Variants in VEPH1 observed in about 807,000 individuals in gnomAD.
VEPH1 encodes the protein ventricular zone expressed PH domain containing 1.
VEPH1 carries 80 observed loss-of-function variants against 85.2 expected under a neutral mutation model. The observed-to-expected ratio is 0.94, with a 90% CI of 0.78 to 1.13. VEPH1 has a LOEUF of 1.13. Among genes scored for constraint, VEPH1 ranks in the 50% most tolerant of loss-of-function variants. The probability of loss-of-function intolerance (pLI) is 0.00; values close to 1 mark genes in which losing one functional copy is unlikely to be tolerated. For synonymous variants in VEPH1, 297 were observed against 348.0 expected, an observed-to-expected ratio of 0.85 and a Z score of 1.63; for missense variants, 955 against 980.5, an observed-to-expected ratio of 0.97 and a Z score of 0.35.
intron 6 of VEPH1, among the ~76,000 whole-genome samples, chr3:157,410,272 T>A (rs1452010800): frequency 1.3e-5 from 2 of 152,128 alleles, no homozygotes; most frequent in Admixed American, 1.3e-4. Context: ...CCATGCCTTA[T>A]ATGGTCCCAT....
intron 4 of VEPH1, among the ~76,000 whole-genome samples, chr3:157,453,292 G>C (rs756252534): frequency 6.6e-6 from 1 of 152,146 alleles, no homozygotes; most frequent in African/African-American, 2.4e-5. Context: ...AGGAGGAGTT[G>C]TTGTTGCTCC....
intron 3 of VEPH1, among the ~76,000 whole-genome samples, chr3:157,469,783 G>C (rs1376703761): frequency 6.6e-6 from 1 of 152,148 alleles, no homozygotes; most frequent in African/African-American, 2.4e-5. Flanking sequence ...CTCATTAGCG[G>C]CTGAGCCAAA....
chr3:157,396,087 C>A (rs1237267316), intron 6 of VEPH1, among the ~76,000 whole-genome samples: 3 of 152,178 alleles, frequency 2.0e-5, no homozygotes, highest in African/African-American at 4.8e-5. Flanking sequence ...CTCTCTCTTG[C>A]CCCATCCCCG....
At chr3:157,444,767 A>G (rs911087007) in intron 4 of VEPH1, among the ~76,000 whole-genome samples, 13 of 152,264 alleles carry the variant, frequency 8.5e-5, no homozygotes, top group African/African-American at 3.1e-4. Flanking sequence ...AATTTAATAT[A>G]AGAAAACTTT....
At chr3:157,390,795 A>G (rs1729781606) in intron 6 of VEPH1, among the ~76,000 whole-genome samples, 1 of 152,192 alleles carries the variant, frequency 6.6e-6, no homozygotes, top group African/African-American at 2.4e-5. Flanking sequence ...CCCATTTGCC[A>G]GACTAGGGGA....
At chr3:157,413,842 T>C (rs1262368251) in intron 6 of VEPH1, 39 bp downstream of exon 6, 2 of 1,600,262 alleles carry the variant, frequency 1.2e-6, no homozygotes, top group Admixed American at 3.4e-5. Context: ...TAAGTGCCAG[T>C]GCAATTCAGG....
At chr3:157,267,004 A>G (rs753026378) in intron 12 of VEPH1, among the ~76,000 whole-genome samples, 4 of 152,044 alleles carry the variant, frequency 2.6e-5, no homozygotes, top group Non-Finnish European at 4.4e-5. Flanking sequence ...AGGTCTAATA[A>G]TTGCCTCACA....
At chr3:157,297,487 G>A (rs1168609433) in intron 11 of VEPH1, among the ~76,000 whole-genome samples, 2 of 152,140 alleles carry the variant, frequency 1.3e-5, no homozygotes. Context: ...CATGGGTAAT[G>A]GTGCAATGAG....
rs370081791 is a variant in VEPH1 at position 157,460,171 on chromosome 3, C to T, written c.529+10G>A. 1.6e-5 allele frequency: 26 copies of T among 1,614,068 alleles called. No homozygotes were observed. Among genetic ancestry groups the T allele is most frequent in the Middle Eastern group, 1.6e-4 (1 of 6,084 alleles). ...AAAACATGTCCCCAAGCTCAACTTT[C>T]GCACCATACCTTGGAGTATGCTCTT... On this transcript the variant is annotated intron_variant, in intron 4 of 13. Coordinates refer to ENST00000362010, the MANE Select transcript of VEPH1 (RefSeq NM_001167912.2).
chr3:157,294,126 G>C (rs903128763), intron 11 of VEPH1, among the ~76,000 whole-genome samples: 4 of 152,152 alleles, frequency 2.6e-5, no homozygotes. Context: ...ATGTTAAAGA[G>C]CTAATTTGGA....
At position 157,321,340 on chromosome 3, in the gene VEPH1, T is replaced by G. The variant is rs74470991; in HGVS notation, c.1736-4139A>C. Among the ~76,000 whole-genome samples the G allele has an allele frequency of 3.9e-5, 6 of 152,270 alleles. No individual in the cohort carries two copies. In the East Asian group the frequency reaches 1.2e-3, roughly 29 times the overall value. ...GCTGAAACTGCCAGACTATAAGTAT[T>G]TACACACTGAACATAGCTTATAAAT... On this transcript the variant is annotated intron_variant, in intron 9 of 13. Coordinates refer to ENST00000362010, the MANE Select transcript of VEPH1 (RefSeq NM_001167912.2).
intron 12 of VEPH1, among the ~76,000 whole-genome samples, chr3:157,285,652 TC>T (rs754225231): frequency 7.2e-5 from 11 of 152,192 alleles, no homozygotes; most frequent in Non-Finnish European, 1.5e-4. Context: ...GAGAGCTCTC[TC>T]CTCTCAAAGG....
At position 157,444,845 on chromosome 3, in the gene VEPH1, T is replaced by C. The variant is rs531082584; in HGVS notation, c.529+15336A>G. Among the ~76,000 whole-genome samples the C allele has an allele frequency of 1.6e-4, 25 of 152,310 alleles. No homozygotes were observed. The South Asian group carries it at 5.2e-3, about 32-fold the overall frequency. On this transcript the variant is annotated intron_variant, in intron 4 of 13. Transcript: ENST00000362010. Reference sequence around the variant, plus strand: ...AAATAGAAGAAAATAAAATAATACTTGGGTTAAAAAAGTAGAAATTTCATC... The same window carrying C: ...AAATAGAAGAAAATAAAATAATACTCGGGTTAAAAAAGTAGAAATTTCATC...
At chr3:157,476,318 C>T (rs777345225) in intron 2 of VEPH1, among the ~76,000 whole-genome samples, 10 of 152,238 alleles carry the variant, frequency 6.6e-5, no homozygotes, top group East Asian at 1.9e-4. Context: ...GGAATTTACA[C>T]GTAATCCAGG....
chr3:157,265,062 A>C (rs1170330864), intron 13 of VEPH1, among the ~76,000 whole-genome samples: 1 of 152,214 alleles, frequency 6.6e-6, no homozygotes. Flanking sequence ...AAAGACAGTA[A>C]TATTTTAATC....
At chr3:157,295,981 T>A (rs1005586033) in intron 11 of VEPH1, among the ~76,000 whole-genome samples, 21 of 151,948 alleles carry the variant, frequency 1.4e-4, no homozygotes, top group African/African-American at 4.6e-4. Context: ...ATAAATAAAT[T>A]ATGGTCTATT....
intron 7 of VEPH1, among the ~76,000 whole-genome samples, chr3:157,380,767 G>A (rs999369623): frequency 1.3e-5 from 2 of 152,168 alleles, no homozygotes; most frequent in African/African-American, 4.8e-5. Context: ...TAGTCAGTGA[G>A]CTTCTTGAAT....
chr3:157,418,990 C>T (rs1407866714), intron 5 of VEPH1, among the ~76,000 whole-genome samples: 3 of 152,048 alleles, frequency 2.0e-5, no homozygotes, highest in Non-Finnish European at 2.9e-5. Context: ...GACACATAGA[C>T]GAATGGAACA....
At chr3:157,471,945 T>G in intron 2 of VEPH1, among the ~76,000 whole-genome samples, 1 of 152,158 alleles carries the variant, frequency 6.6e-6, no homozygotes, top group Non-Finnish European at 1.5e-5. Context: ...TTTTGAAAGG[T>G]AATACATAAA....
Sources: gnomAD v4.1 joint callset for allele counts (sites outside exome capture counted in the v4.1 genomes callset) on GRCh38, gnomAD v4.1.1 for gene constraint, MANE v1.5 for transcripts, NCBI Gene and HGNC (gene_info 2026-07-23, HGNC 2026-07-21) for gene names.